TAFA1: variants seen among roughly 807,000 people sequenced by gnomAD.
TAFA1 encodes chemokine-like protein TAFA-1.
Under a neutral mutation model 18.5 loss-of-function variants are expected in TAFA1, and 4 were observed. That is an observed-to-expected ratio of 0.22 (90% CI 0.11 to 0.49). The LOEUF (loss-of-function observed/expected upper bound fraction) is 0.49. Among genes scored for constraint, TAFA1 ranks in the 20% least tolerant of loss-of-function variants. TAFA1 has a pLI of 0.98. For missense variants in TAFA1, 147 were observed against 169.0 expected (o/e 0.87, Z 0.72); for synonymous variants, 56 against 55.2 (o/e 1.01, Z -0.06).
chr3:68,484,396 T>G (rs917143870), intron 3 of TAFA1, among the ~76,000 whole-genome samples: 1 of 152,114 alleles, frequency 6.6e-6, no homozygotes, highest in African/African-American at 2.4e-5. Flanking sequence ...TGCAGCGGTC[T>G]AGGTGAAAGG....
Position 68,183,297 on chromosome 3 carries a change from C to T in TAFA1, c.118+176553C>T, listed in dbSNP as rs528739392. On this transcript the variant is annotated intron_variant, in intron 2 of 4. Coordinates refer to ENST00000478136, the MANE Select transcript of TAFA1 (RefSeq NM_213609.4). Reference sequence around the variant, plus strand: ...ACTTCATTAAGTGATAATATAAGATCTCGAGCTCCTCATTATGCCCCATGA... The same window carrying T: ...ACTTCATTAAGTGATAATATAAGATTTCGAGCTCCTCATTATGCCCCATGA... 2.0e-5 allele frequency among the ~76,000 whole-genome samples: 3 copies of T among 152,218 alleles called. No homozygotes were observed. In the East Asian group the frequency reaches 5.8e-4, roughly 29 times the overall value.
chr3:68,456,768 C>T (rs375881856), intron 3 of TAFA1, among the ~76,000 whole-genome samples: 2 of 152,278 alleles, frequency 1.3e-5, no homozygotes, highest in East Asian at 3.9e-4. Context: ...GTTGCAGCTA[C>T]AGCTTCCCAC....
At chr3:68,236,427 C>T (rs989068610) in intron 2 of TAFA1, among the ~76,000 whole-genome samples, 1 of 152,184 alleles carries the variant, frequency 6.6e-6, no homozygotes, top group African/African-American at 2.4e-5. Context: ...CTCATATAGG[C>T]CAAAATACTT....
At chr3:68,473,945 C>T (rs2072045333) in intron 3 of TAFA1, among the ~76,000 whole-genome samples, 1 of 151,854 alleles carries the variant, frequency 6.6e-6, no homozygotes, top group Non-Finnish European at 1.5e-5. Flanking sequence ...GCTAGATAAA[C>T]ATTTGTTGAA....
intron 2 of TAFA1, among the ~76,000 whole-genome samples, chr3:68,055,352 G>T (rs1471866672): frequency 1.3e-5 from 2 of 152,050 alleles, no homozygotes; most frequent in Non-Finnish European, 2.9e-5. Flanking sequence ...GCCTTGTATG[G>T]TGAATGCCTC....
At chr3:68,308,627 G>A (rs551691584) in intron 2 of TAFA1, among the ~76,000 whole-genome samples, 1 of 152,036 alleles carries the variant, frequency 6.6e-6, no homozygotes, top group Non-Finnish European at 1.5e-5. Flanking sequence ...ACAATAATGA[G>A]GTTGTTTTCA....
intron 2 of TAFA1, among the ~76,000 whole-genome samples, chr3:68,357,664 A>G (rs2069391031): frequency 6.6e-6 from 1 of 152,024 alleles, no homozygotes; most frequent in African/African-American, 2.4e-5. Context: ...ACACAGGGGG[A>G]GAAAATGGCT....
intron 2 of TAFA1, among the ~76,000 whole-genome samples, chr3:68,171,056 T>C (rs1315301967): frequency 6.6e-6 from 1 of 152,204 alleles, no homozygotes; most frequent in African/African-American, 2.4e-5. Flanking sequence ...CTAGAACTTG[T>C]AAATTTTTGT....
intron 2 of TAFA1, among the ~76,000 whole-genome samples, chr3:68,134,935 C>T (rs2065588748): frequency 1.3e-5 from 2 of 152,130 alleles, no homozygotes; most frequent in African/African-American, 4.8e-5. Context: ...GTTAATTTTT[C>T]TTTTACGTAA....
chr3:68,314,654 G>A (rs2068577140), intron 2 of TAFA1, among the ~76,000 whole-genome samples: 1 of 152,108 alleles, frequency 6.6e-6, no homozygotes, highest in Non-Finnish European at 1.5e-5. Flanking sequence ...ACTGATACTA[G>A]TGCTTTATTT....
chr3:68,078,349 T>A (rs903732612), intron 2 of TAFA1, among the ~76,000 whole-genome samples: 5 of 152,018 alleles, frequency 3.3e-5, no homozygotes, highest in African/African-American at 4.8e-5. Context: ...AACACTATGT[T>A]GAATAGGAGT....
chr3:68,170,286 A>G (rs1281032406), intron 2 of TAFA1, among the ~76,000 whole-genome samples: 1 of 152,178 alleles, frequency 6.6e-6, no homozygotes, highest in Non-Finnish European at 1.5e-5. Flanking sequence ...TCTTCCCAGA[A>G]AATTTTTACT....
chr3:68,476,691 T>C (rs1221707151), intron 3 of TAFA1, among the ~76,000 whole-genome samples: 1 of 152,190 alleles, frequency 6.6e-6, no homozygotes, highest in Non-Finnish European at 1.5e-5. Flanking sequence ...ACCCTGAGGA[T>C]TATTTTCTAA....
chr3:68,355,478 T>C (rs763804115), intron 2 of TAFA1, among the ~76,000 whole-genome samples: 2 of 151,928 alleles, frequency 1.3e-5, no homozygotes, highest in Non-Finnish European at 2.9e-5. Flanking sequence ...ATAAATGCAC[T>C]AATATATGTG....
At chr3:68,303,784 A>G (rs2068355286) in intron 2 of TAFA1, among the ~76,000 whole-genome samples, 1 of 152,140 alleles carries the variant, frequency 6.6e-6, no homozygotes, top group Admixed American at 6.5e-5. Context: ...ATATGTCACA[A>G]AGAGGCAAAT....
At chr3:68,427,049 T>A (rs2071069588) in intron 3 of TAFA1, among the ~76,000 whole-genome samples, 1 of 151,840 alleles carries the variant, frequency 6.6e-6, no homozygotes, top group Non-Finnish European at 1.5e-5. Flanking sequence ...GTGTATGTCA[T>A]GTGTGTGAGA....
At chr3:68,447,420 A>G (rs1442991320) in intron 3 of TAFA1, among the ~76,000 whole-genome samples, 1 of 152,152 alleles carries the variant, frequency 6.6e-6, no homozygotes, top group Non-Finnish European at 1.5e-5. Context: ...AATTTGCTAG[A>G]TTTGATAACT....
chr3:68,116,284 C>T (rs1267968942), intron 2 of TAFA1, among the ~76,000 whole-genome samples: 1 of 125,080 alleles, frequency 8.0e-6, no homozygotes, highest in Non-Finnish European at 1.8e-5. Context: ...AACAAACAAA[C>T]AAAAAATGTA....
chr3:68,382,057 T>C (rs574012374), intron 2 of TAFA1, among the ~76,000 whole-genome samples: 105 of 152,344 alleles, frequency 6.9e-4, no homozygotes, highest in African/African-American at 2.4e-3. Context: ...TTGTCTTTGG[T>C]TCTGTTTATA....
Sources: gnomAD v4.1 joint callset for allele counts (sites outside exome capture counted in the v4.1 genomes callset) on GRCh38, gnomAD v4.1.1 for gene constraint, MANE v1.5 for transcripts, NCBI Gene and HGNC (gene_info 2026-07-23, HGNC 2026-07-21) for gene names.